Variants in MET observed in about 807,000 individuals in gnomAD.
The protein encoded by MET is hepatocyte growth factor receptor.
A neutral mutation model predicts 133.1 loss-of-function variants in MET; 48 were observed. That is an observed-to-expected ratio of 0.36 (90% CI 0.29 to 0.46). MET has a LOEUF of 0.46. Among genes scored for constraint, MET ranks in the 20% least tolerant of loss-of-function variants. MET has a pLI of 1.00. For missense variants in MET, 1,442 were observed against 1,695.9 expected (o/e 0.85, Z 2.63); for synonymous variants, 628 against 616.5 (o/e 1.02, Z -0.28).
At chr7:116,688,630 G>A (rs1796661974) in intron 1 of MET, among the ~76,000 whole-genome samples, 1 of 152,162 alleles carries the variant, frequency 6.6e-6, no homozygotes, top group Non-Finnish European at 1.5e-5. Flanking sequence ...AAGAAGTTGA[G>A]TACTTTCAAC....
chr7:116,778,139 C>T (rs1171747170), intron 16 of MET, among the ~76,000 whole-genome samples: 2 of 152,078 alleles, frequency 1.3e-5, no homozygotes, highest in Non-Finnish European at 2.9e-5. Flanking sequence ...TATTGGTGAC[C>T]CCAAGCCATA....
chr7:116,747,536 T>C (rs1313972395), intron 5 of MET, among the ~76,000 whole-genome samples: 14 of 152,164 alleles, frequency 9.2e-5, no homozygotes, highest in Non-Finnish European at 1.8e-4. Context: ...AGAAGGGCAT[T>C]ACATAATGGT....
chr7:116,747,278 A>G (rs1266567934), intron 5 of MET, among the ~76,000 whole-genome samples: 1 of 152,232 alleles, frequency 6.6e-6, no homozygotes, highest in Non-Finnish European at 1.5e-5. Flanking sequence ...ACATAACACT[A>G]TTAACCTTAA....
intron 1 of MET, among the ~76,000 whole-genome samples, chr7:116,684,928 T>C (rs1376726227): frequency 4.6e-5 from 7 of 152,114 alleles, no homozygotes; most frequent in Admixed American, 4.6e-4. Flanking sequence ...GAGGAAGCTG[T>C]TGTAGTAATC....
chr7:116,783,333 C>T lies in MET; in HGVS notation c.3662C>T (p.Ala1221Val), dbSNP rs2117065715. 6.2e-7 allele frequency: 1 copy of T among 1,614,096 alleles called. No individual in the cohort carries two copies. The highest frequency in any genetic ancestry group is 8.5e-7 in the Non-Finnish European group (1 of 1,180,018). The change falls in exon 19 of 21, where the codon GCT (alanine) becomes GTT (valine). Residue 1221 changes from alanine (A) to valine (V), a missense_variant. Physicochemically the swap from Ala to Val is moderately conservative, Grantham distance 64. Transcript: ENST00000397752. The stretch of plus-strand genomic sequence containing the variant: ...GATGAAAAATTCACAGTCAAGGTTG[C>T]TGATTTTGGTCTTGCCAGAGACATG... ...MLDEKFTVKVADFGLARDMYD... is the reference protein window; with the variant it reads ...MLDEKFTVKVVDFGLARDMYD...
chr7:116,788,822 T>C (rs1277143361), intron 19 of MET, among the ~76,000 whole-genome samples: 2 of 152,218 alleles, frequency 1.3e-5, no homozygotes, highest in African/African-American at 4.8e-5. Context: ...TGCTTGTAGA[T>C]TGGGTTTTCT....
rs376589619 is a variant in MET at position 116,739,971 on chromosome 7, C to T, written c.1414C>T (p.Pro472Ser). The change falls in exon 4 of 21, where the codon CCA (proline) becomes TCA (serine). Residue 472 changes from proline to serine, a missense_variant. Physicochemically the swap from Pro to Ser is moderately conservative, Grantham distance 74. Coordinates refer to ENST00000397752, the MANE Select transcript of MET (RefSeq NM_000245.4). ...FMQVVVSRSG[P>S]STPHVNFLLD... ...TTAGGTTGTGGTTTCTCGATCAGGACCATCAACCCCTCATGTGAATTTTCT... is the reference window on the plus strand; with the variant it reads ...TTAGGTTGTGGTTTCTCGATCAGGATCATCAACCCCTCATGTGAATTTTCT... 8.1e-6 allele frequency: 13 copies of T among 1,614,086 alleles called. No homozygotes were observed. The African/African-American group carries it at 1.5e-4, about 18-fold the overall frequency.
Position 116,730,024 on chromosome 7 carries a change from T to C in MET, c.1201-1644T>C, listed in dbSNP as rs539638181. On this transcript the variant is annotated intron_variant, in intron 2 of 20. Transcript: ENST00000397752. ...TTATAAATCACGCAAGCAAATGTTA[T>C]GTTGCAGCTTGTAACTATGTTACAG... Among the ~76,000 whole-genome samples, 7 of 152,304 alleles carry C rather than the reference T, an allele frequency of 4.6e-5. No homozygotes were observed. The South Asian group carries it at 1.2e-3, about 27-fold the overall frequency.
At chr7:116,714,745 G>GCACACACACACACACA (rs142954535) in intron 2 of MET, among the ~76,000 whole-genome samples, 21 of 145,112 alleles carry the variant, frequency 1.4e-4, no homozygotes, top group Non-Finnish European at 2.7e-4. Flanking sequence ...TCACATGCAC[G>GCACACACACACACACA]CACACACACA....
Position 116,796,656 on chromosome 7 carries a change from G to A in MET, c.*532G>A, listed in dbSNP as rs1024108081. Reference sequence around the variant, plus strand: ...TTTTAAATGTTTGTTTGTTTTTTGAGACAGGATCTCACTCTGTTGCCAGGG... The same window carrying A: ...TTTTAAATGTTTGTTTGTTTTTTGAAACAGGATCTCACTCTGTTGCCAGGG... On this transcript the variant is annotated 3_prime_UTR_variant, in exon 21 of 21. Coordinates refer to ENST00000397752, the MANE Select transcript of MET (RefSeq NM_000245.4). 7.7e-6 allele frequency: 2 copies of A among 261,002 alleles called. No individual in the cohort carries two copies. The highest frequency in any genetic ancestry group is 1.5e-5 in the Non-Finnish European group (2 of 134,098). The allele number at this position is 261,002 out of a possible 1,614,324, so 16.2% of individuals were successfully genotyped here.
At chr7:116,722,266 G>A (rs1228338878) in intron 2 of MET, among the ~76,000 whole-genome samples, 6 of 150,536 alleles carry the variant, frequency 4.0e-5, no homozygotes, top group East Asian at 1.9e-4. Context: ...GATCTTTGTT[G>A]GTTTAAAGTC....
At chr7:116,719,517 G>T (rs1282980380) in intron 2 of MET, among the ~76,000 whole-genome samples, 16 of 152,014 alleles carry the variant, frequency 1.1e-4, no homozygotes, top group African/African-American at 3.4e-4. Context: ...GTCAATTTTG[G>T]CTTTTGTTGC....
At chr7:116,733,368 G>A (rs1463467244) in intron 3 of MET, among the ~76,000 whole-genome samples, 2 of 147,338 alleles carry the variant, frequency 1.4e-5, no homozygotes, top group Non-Finnish European at 3.0e-5. Context: ...TTTCAAAATC[G>A]TCCATTACCT....
intron 19 of MET, among the ~76,000 whole-genome samples, chr7:116,784,154 A>G (rs1795235240): frequency 6.6e-6 from 1 of 152,224 alleles, no homozygotes; most frequent in Non-Finnish European, 1.5e-5. Flanking sequence ...AAGTATAAGC[A>G]CCTGTAAAGT....
intron 2 of MET, among the ~76,000 whole-genome samples, chr7:116,713,281 G>C (rs991006697): frequency 2.6e-5 from 4 of 151,676 alleles, no homozygotes; most frequent in Admixed American, 1.3e-4. Context: ...TGTAGTCCCA[G>C]CTACTTGGGA....
chr7:116,773,747 T>C (rs568120123), intron 14 of MET, among the ~76,000 whole-genome samples: 85 of 152,320 alleles, frequency 5.6e-4, no homozygotes, highest in African/African-American at 1.7e-3. Flanking sequence ...ATAACTGTAA[T>C]TGATGCCCAA....
intron 15 of MET, among the ~76,000 whole-genome samples, chr7:116,776,970 G>A (rs964780861): frequency 1.3e-5 from 2 of 152,054 alleles, no homozygotes; most frequent in Admixed American, 6.6e-5. Context: ...AGAATATAGA[G>A]AACTTATTTT....
At chr7:116,753,378 A>G (rs370374012) in intron 5 of MET, among the ~76,000 whole-genome samples, 13 of 152,312 alleles carry the variant, frequency 8.5e-5, no homozygotes, top group Middle Eastern at 3.4e-3. Context: ...TCCTTTCTCA[A>G]TTGTCACAAA....
chr7:116,737,003 A>G (rs1793241012), intron 3 of MET, among the ~76,000 whole-genome samples: 1 of 152,216 alleles, frequency 6.6e-6, no homozygotes. Flanking sequence ...TTAGAATCCT[A>G]GCAATAAGAG....
Sources: gnomAD v4.1 joint callset for allele counts (sites outside exome capture counted in the v4.1 genomes callset) on GRCh38, gnomAD v4.1.1 for gene constraint, MANE v1.5 for transcripts, NCBI Gene and HGNC (gene_info 2026-07-23, HGNC 2026-07-21) for gene names.